HIVEP1: variants seen among roughly 807,000 people sequenced by gnomAD.
HIVEP1 encodes zinc finger protein 40.
In HIVEP1, 36 loss-of-function variants were observed where a neutral mutation model predicts 180.0. The ratio of observed to expected loss-of-function variants is 0.20; its 90% CI spans 0.15 to 0.26. HIVEP1 has a LOEUF of 0.26. Ranked by LOEUF, HIVEP1 falls within the 10% of genes least tolerant of loss-of-function variation. The probability of loss-of-function intolerance (pLI) is 1.00; values close to 1 mark genes in which losing one functional copy is unlikely to be tolerated. For missense variants in HIVEP1, 3,143 were observed against 3,268.7 expected (o/e 0.96, Z 0.94); for synonymous variants, 1,239 against 1,239.0 (o/e 1.00, Z 0.00).
rs958407988 is a variant in HIVEP1, at chr6:12,135,784, C to T, written c.6386-7C>T. The T allele has an allele frequency of 4.4e-6, 7 of 1,582,716 alleles. No individual in the cohort carries two copies. Among genetic ancestry groups the T allele is most frequent in the African/African-American group, 1.3e-5 (1 of 74,300 alleles). On this transcript the variant is annotated splice_polypyrimidine_tract_variant and splice_region_variant and intron_variant, in intron 6 of 8. Transcript: ENST00000379388. The stretch of plus-strand genomic sequence containing the variant: ...CTTAAGCTTAGTAAACATTCTTTTC[C>T]CTTAAGGAAATCTGACAAAACACAT...
chr6:12,142,810 T>C (rs1759131854), intron 7 of HIVEP1, among the ~76,000 whole-genome samples: 1 of 152,118 alleles, frequency 6.6e-6, no homozygotes, highest in Non-Finnish European at 1.5e-5. Context: ...CCTGGACACA[T>C]ACACCCTCCC....
At chr6:12,017,521 G>T (rs1170862150) in intron 2 of HIVEP1, among the ~76,000 whole-genome samples, 1 of 151,934 alleles carries the variant, frequency 6.6e-6, no homozygotes, top group Admixed American at 6.5e-5. Context: ...GTCTGCAAGG[G>T]GACCCAAGCA....
intron 2 of HIVEP1, among the ~76,000 whole-genome samples, chr6:12,021,143 C>T (rs1419613990): frequency 6.6e-6 from 1 of 152,148 alleles, no homozygotes; most frequent in Non-Finnish European, 1.5e-5. Flanking sequence ...ATCCAACCGC[C>T]TCAAAGTGCT....
In HIVEP1 at chr6:12,153,451, G is replaced by A. The variant is rs528350027; in HGVS notation, c.6488-7988G>A. On this transcript the variant is annotated intron_variant, in intron 7 of 8. Coordinates refer to ENST00000379388, the MANE Select transcript of HIVEP1 (RefSeq NM_002114.4). ...TCAACTCCTTAATTAGTCCTTGTTT[G>A]AATTATGATCAAATAGTATTGGTTT... Among the ~76,000 whole-genome samples the A allele has an allele frequency of 4.6e-5, 7 of 151,472 alleles. No individual in the cohort carries two copies. In the East Asian group the frequency reaches 1.4e-3, roughly 30 times the overall value.
chr6:12,167,925 C>A (rs55657142), downstream of HIVEP1, among the ~76,000 whole-genome samples: 1,176 of 123,036 alleles, frequency 9.6e-3, 28 homozygotes, highest in African/African-American at 0.039. Context: ...ACATGTATAT[C>A]TGCGTATATT....
chr6:12,174,710 C>T, the HIVEP1 span, among the ~76,000 whole-genome samples: 3 of 152,248 alleles, frequency 2.0e-5, no homozygotes, highest in East Asian at 5.8e-4. Context: ...CAGGTAGAAT[C>T]GTATGTTCTT....
At chr6:12,015,450 G>T in intron 1 of HIVEP1, 76 bp from the exon 2 acceptor site, 1 of 575,916 alleles carries the variant, frequency 1.7e-6, no homozygotes. Context: ...TTAGTGCTCT[G>T]CTAGGCAGTA....
At chr6:12,074,649 C>CGT (rs1772229291) in intron 2 of HIVEP1, among the ~76,000 whole-genome samples, 6 of 104,682 alleles carry the variant, frequency 5.7e-5, no homozygotes, top group East Asian at 2.0e-4. Context: ...TGTGTGCGCG[C>CGT]GCGTGCATGT....
intron 7 of HIVEP1, among the ~76,000 whole-genome samples, chr6:12,159,396 A>G (rs1760263182): frequency 1.4e-5 from 2 of 148,118 alleles, no homozygotes; most frequent in Non-Finnish European, 3.0e-5. Flanking sequence ...TGCGTCTCCA[A>G]AAAAAAAAAA....
At chr6:12,158,589 T>C (rs1334151111) in intron 7 of HIVEP1, among the ~76,000 whole-genome samples, 1 of 152,156 alleles carries the variant, frequency 6.6e-6, no homozygotes, top group Non-Finnish European at 1.5e-5. Flanking sequence ...TCCGATTGAG[T>C]TACAGTCTCG....
chr6:12,050,818 A>T (rs1289114879), intron 2 of HIVEP1, among the ~76,000 whole-genome samples: 1 of 150,698 alleles, frequency 6.6e-6, no homozygotes, highest in Non-Finnish European at 1.5e-5. Context: ...CTTTGCTCCT[A>T]CTTTTGGGGG....
the HIVEP1 span, among the ~76,000 whole-genome samples, chr6:12,178,211 G>T: frequency 6.6e-6 from 1 of 152,226 alleles, no homozygotes; most frequent in South Asian, 2.1e-4. Flanking sequence ...GTGTCTGACA[G>T]AGGATTCTCC....
intron 2 of HIVEP1, among the ~76,000 whole-genome samples, chr6:12,054,761 CAT>C (rs1770754043): frequency 6.6e-6 from 1 of 152,134 alleles, no homozygotes; most frequent in Non-Finnish European, 1.5e-5. Flanking sequence ...GATTTCATGA[CAT>C]AGCATATTAT....
intron 2 of HIVEP1, among the ~76,000 whole-genome samples, chr6:12,033,819 T>C (rs1223110489): frequency 2.0e-5 from 3 of 152,248 alleles, no homozygotes; most frequent in Non-Finnish European, 4.4e-5. Context: ...TCTTGTCTCC[T>C]GAAGAGTACA....
At chr6:12,084,004 T>C (rs1772955508) in intron 2 of HIVEP1, among the ~76,000 whole-genome samples, 1 of 152,128 alleles carries the variant, frequency 6.6e-6, no homozygotes, top group Admixed American at 6.5e-5. Flanking sequence ...ATGCCTTCTG[T>C]GTTATCCTGG....
chr6:12,106,460 C>G (rs547683334), intron 3 of HIVEP1, among the ~76,000 whole-genome samples: 1 of 151,844 alleles, frequency 6.6e-6, no homozygotes, highest in Admixed American at 6.6e-5. Flanking sequence ...ATTTTCTGTG[C>G]GAAATTATTT....
chr6:12,090,098 T>A (rs2327511), intron 3 of HIVEP1, among the ~76,000 whole-genome samples: 24,203 of 151,998 alleles, frequency 0.16, 2,533 homozygotes, highest in Non-Finnish European at 0.24. Context: ...CCAAGTAATA[T>A]AAAAAAATAG....
chr6:12,093,973 C>T (rs762158053), intron 3 of HIVEP1, among the ~76,000 whole-genome samples: 5 of 151,992 alleles, frequency 3.3e-5, no homozygotes, highest in Non-Finnish European at 7.4e-5. Flanking sequence ...CTGGGGCAAA[C>T]TGACCATCTT....
At chr6:12,091,848 G>A (rs1480302291) in intron 3 of HIVEP1, among the ~76,000 whole-genome samples, 1 of 152,070 alleles carries the variant, frequency 6.6e-6, no homozygotes. Flanking sequence ...AACACACATT[G>A]TGCTTGACAC....
Sources: gnomAD v4.1 joint callset for allele counts (sites outside exome capture counted in the v4.1 genomes callset) on GRCh38, gnomAD v4.1.1 for gene constraint, MANE v1.5 for transcripts, NCBI Gene and HGNC (gene_info 2026-07-23, HGNC 2026-07-21) for gene names.